The following ADAMTS17 variants were observed in gnomAD, a reference collection of about 807,000 sequenced individuals.
The protein encoded by ADAMTS17 is A disintegrin and metalloproteinase with thrombospondin motifs 17.
Under a neutral mutation model 141.5 loss-of-function variants are expected in ADAMTS17, and 113 were observed. The ratio of observed to expected loss-of-function variants is 0.80; its 90% CI spans 0.69 to 0.93. ADAMTS17 has a LOEUF of 0.93. Among genes scored for constraint, ADAMTS17 ranks in the 40% least tolerant of loss-of-function variants. ADAMTS17 has a pLI of 0.00. For synonymous variants in ADAMTS17, 768 were observed against 630.6 expected, an observed-to-expected ratio of 1.22 and a Z score of -3.27; for missense variants, 1,659 against 1,517.9, an observed-to-expected ratio of 1.09 and a Z score of -1.54.
chr15:100,339,975 G>T (rs2046316267), intron 2 of ADAMTS17, among the ~76,000 whole-genome samples: 1 of 152,220 alleles, frequency 6.6e-6, no homozygotes, highest in African/African-American at 2.4e-5. Flanking sequence ...GAGAATTCTA[G>T]ATGGTGGCAC....
intron 7 of ADAMTS17, among the ~76,000 whole-genome samples, chr15:100,232,571 C>G (rs1001964433): frequency 5.3e-5 from 8 of 152,254 alleles, no homozygotes; most frequent in African/African-American, 1.7e-4. Flanking sequence ...TTCCCTTCCC[C>G]TCCTTTTGAT....
chr15:100,052,754 A>G (rs1322501525), intron 16 of ADAMTS17, among the ~76,000 whole-genome samples: 1 of 152,164 alleles, frequency 6.6e-6, no homozygotes. Flanking sequence ...TTAGGTACAC[A>G]TTCTTGGGTC....
chr15:99,973,858 C>T lies in ADAMTS17; in HGVS notation c.*544G>A, dbSNP rs2581348. The stretch of plus-strand genomic sequence containing the variant: ...TTCTCAGAGACGGGCATGGAGGCAA[C>T]GTCCTGGTTCTCATGTGGTCAAGAA... On this transcript the variant is annotated 3_prime_UTR_variant, in exon 22 of 22. Coordinates refer to ENST00000268070, the MANE Select transcript of ADAMTS17 (RefSeq NM_139057.4). The T allele has an allele frequency of 0.61, 116,415 of 191,490 alleles. 35,966 individuals carry two copies. Among genetic ancestry groups the T allele is most frequent in the Non-Finnish European group, 0.62 (57,070 of 91,840 alleles). 11.9% of individuals were successfully genotyped at this position (191,490 alleles called of 1,614,324 possible). A position where few individuals can be genotyped will look rare whatever the true frequency, so the allele number is the denominator to read the frequency against.
At chr15:100,024,456 T>C (rs2061468348) in intron 18 of ADAMTS17, among the ~76,000 whole-genome samples, 1 of 152,146 alleles carries the variant, frequency 6.6e-6, no homozygotes, top group Non-Finnish European at 1.5e-5. Flanking sequence ...TTTGGGTAGG[T>C]GCCCATTTTG....
chr15:100,321,549 G>T (rs1285781952), intron 3 of ADAMTS17, among the ~76,000 whole-genome samples: 1 of 152,136 alleles, frequency 6.6e-6, no homozygotes, highest in Non-Finnish European at 1.5e-5. Flanking sequence ...AAACCTGACT[G>T]GCAATACTAA....
At chr15:100,264,676 C>G (rs546067621) in intron 4 of ADAMTS17, among the ~76,000 whole-genome samples, 7 of 152,296 alleles carry the variant, frequency 4.6e-5, no homozygotes, top group Admixed American at 1.3e-4. Context: ...TTCTCCTTGG[C>G]TGGCTGATGA....
At position 100,030,288 on chromosome 15, in the gene ADAMTS17, G is replaced by C. The variant is rs141647341; in HGVS notation, c.2591+18569C>G. On this transcript the variant is annotated intron_variant, in intron 18 of 21. Coordinates refer to ENST00000268070, the MANE Select transcript of ADAMTS17 (RefSeq NM_139057.4). ...CCAGGGCACGTTCATTACCTCCTCA[G>C]TGCTAATTTCTGCCCTTAATGTCGT... Among the ~76,000 whole-genome samples, 570 of 152,298 alleles carry C rather than the reference G, an allele frequency of 3.7e-3. 2 individuals are homozygous for C. Among genetic ancestry groups the C allele is most frequent in the Non-Finnish European group, 6.0e-3 (410 of 68,034 alleles).
chr15:100,267,884 A>G (rs1236288001), intron 4 of ADAMTS17, among the ~76,000 whole-genome samples: 2 of 152,210 alleles, frequency 1.3e-5, no homozygotes, highest in Admixed American at 1.3e-4. Context: ...CAGACAATAC[A>G]TTTACACTTT....
chr15:99,993,120 C>G lies in ADAMTS17; in HGVS notation c.2877G>C (p.Thr959=), dbSNP rs758555346. The G allele has an allele frequency of 1.9e-6, 3 of 1,614,066 alleles. No individual in the cohort carries two copies. Among genetic ancestry groups the G allele is most frequent in the African/African-American group, 2.7e-5 (2 of 74,944 alleles). Residue 959 remains threonine (T), a synonymous_variant, in exon 20 of 22, where the codon ACG becomes ACC. Transcript: ENST00000268070. This position sits in a 1 kb window ranked among gnomAD's most constrained non-coding sequence, Gnocchi z 4.3. ...CGCAGGCCTCCTCGGCTCTCGGCCTCGTGGATGCGTCGCATTTCCCTTGTG... is the reference window on the plus strand; with the variant it reads ...CGCAGGCCTCCTCGGCTCTCGGCCTGGTGGATGCGTCGCATTTCCCTTGTG... The part of the protein sequence containing the change: ...TNSQGKCDAS[T]RPRAEEACED...
At chr15:100,203,963 G>T (rs1004030893) in intron 7 of ADAMTS17, among the ~76,000 whole-genome samples, 2 of 151,216 alleles carry the variant, frequency 1.3e-5, no homozygotes, top group East Asian at 3.9e-4. Flanking sequence ...TTAATTTATC[G>T]AGAGAAGAGG....
chr15:100,174,066 G>C (rs779239616), intron 8 of ADAMTS17, among the ~76,000 whole-genome samples: 1 of 152,202 alleles, frequency 6.6e-6, no homozygotes, highest in Non-Finnish European at 1.5e-5. Flanking sequence ...TCTTTACAAT[G>C]TGACAGAGCT....
chr15:100,275,911 C>T (rs1228364658), intron 4 of ADAMTS17, among the ~76,000 whole-genome samples: 2 of 145,522 alleles, frequency 1.4e-5, no homozygotes, highest in Admixed American at 1.4e-4. Flanking sequence ...CCCCAGTCTG[C>T]CCTGGGGACA....
intron 7 of ADAMTS17, among the ~76,000 whole-genome samples, 155 bp from the exon 8 acceptor site, chr15:100,199,578 T>C (rs1218623682): frequency 1.3e-5 from 2 of 152,166 alleles, no homozygotes; most frequent in Non-Finnish European, 2.9e-5. Context: ...GGTTTGTGTA[T>C]GATGCTTTTG....
chr15:100,153,310 G>A (rs1047652862), intron 9 of ADAMTS17, among the ~76,000 whole-genome samples: 2 of 152,102 alleles, frequency 1.3e-5, no homozygotes, highest in African/African-American at 4.8e-5. Context: ...AACTGGGGTG[G>A]GAGCATTCAT....
chr15:100,287,803 G>A (rs1341704163), intron 3 of ADAMTS17, among the ~76,000 whole-genome samples: 1 of 152,172 alleles, frequency 6.6e-6, no homozygotes, highest in Admixed American at 6.5e-5. Flanking sequence ...TTTCACCAAA[G>A]CAAATGCTAA....
At chr15:100,167,275 C>G (rs67067866) in intron 8 of ADAMTS17, among the ~76,000 whole-genome samples, 18,067 of 152,108 alleles carry the variant, frequency 0.12, 1,372 homozygotes, top group South Asian at 0.23. Flanking sequence ...GGAGAAATAA[C>G]CCAATCTCAT....
chr15:100,278,582 G>A (rs1056356515), intron 4 of ADAMTS17, among the ~76,000 whole-genome samples: 5 of 152,204 alleles, frequency 3.3e-5, no homozygotes, highest in Non-Finnish European at 5.9e-5. Flanking sequence ...TCTACTCTGA[G>A]TGCTGCCGAA....
chr15:100,071,326 G>T (rs2033955849), intron 15 of ADAMTS17, among the ~76,000 whole-genome samples: 1 of 149,836 alleles, frequency 6.7e-6, no homozygotes, highest in African/African-American at 2.5e-5. Context: ...AGGAGGAGCT[G>T]GTACCATTCC....
At chr15:100,109,688 T>C (rs1247396686) in intron 13 of ADAMTS17, among the ~76,000 whole-genome samples, 1 of 152,080 alleles carries the variant, frequency 6.6e-6, no homozygotes, top group East Asian at 1.9e-4. Context: ...CTAGGACAAC[T>C]TATAAGAGCC....
Sources: allele counts gnomAD v4.1 joint callset (sites outside exome capture counted in the v4.1 genomes callset), GRCh38; gene constraint gnomAD v4.1.1; non-coding constraint Gnocchi (gnomAD v3.1); transcripts MANE v1.5; gene names NCBI Gene and HGNC (gene_info 2026-07-23, HGNC 2026-07-21).